The following FLT1 variants were observed in gnomAD, a reference collection of about 807,000 sequenced individuals.
The protein encoded by FLT1 is vascular endothelial growth factor receptor 1.
A neutral mutation model predicts 156.3 loss-of-function variants in FLT1; 49 were observed. The ratio of observed to expected loss-of-function variants is 0.31; its 90% CI spans 0.25 to 0.40. The LOEUF (loss-of-function observed/expected upper bound fraction) is 0.40. Among genes scored for constraint, FLT1 ranks in the 10% least tolerant of loss-of-function variants. The probability of loss-of-function intolerance (pLI) is 1.00; values close to 1 mark genes in which losing one functional copy is unlikely to be tolerated. For synonymous variants in FLT1, 594 were observed against 583.8 expected (o/e 1.02, Z -0.25); for missense variants, 1,322 against 1,637.2 (o/e 0.81, Z 3.32).
chr13:28,381,038 T>C (rs79711286), intron 14 of FLT1, among the ~76,000 whole-genome samples: 2,229 of 152,312 alleles, frequency 0.015, 57 homozygotes, highest in African/African-American at 0.052. Context: ...ACTCTTTTTT[T>C]GCATGTGGTA....
At chr13:28,340,954 T>TTA (rs1872311884) in intron 16 of FLT1, among the ~76,000 whole-genome samples, 2 of 152,320 alleles carry the variant, frequency 1.3e-5, no homozygotes, top group East Asian at 1.9e-4. Flanking sequence ...AACAGGGTAC[T>TTA]AGGTGCCCAT....
At chr13:28,304,356 A>G (rs1453528840) in intron 29 of FLT1, among the ~76,000 whole-genome samples, 9 of 152,160 alleles carry the variant, frequency 5.9e-5, no homozygotes, top group African/African-American at 7.2e-5. Flanking sequence ...AAGGAAACAC[A>G]CACGCAGATG....
At chr13:28,429,213 C>G (rs1877530424) in intron 8 of FLT1, among the ~76,000 whole-genome samples, 1 of 152,094 alleles carries the variant, frequency 6.6e-6, no homozygotes, top group African/African-American at 2.4e-5. Flanking sequence ...CTCTTTAATT[C>G]CCTATTAAGT....
intron 10 of FLT1, among the ~76,000 whole-genome samples, chr13:28,422,957 C>G (rs1877098176): frequency 6.6e-6 from 1 of 152,058 alleles, no homozygotes; most frequent in African/African-American, 2.4e-5. Context: ...CTTTAGAAAC[C>G]AACCAACCTC....
intron 12 of FLT1, among the ~76,000 whole-genome samples, chr13:28,396,241 G>T (rs1875034755): frequency 6.6e-6 from 1 of 152,180 alleles, no homozygotes; most frequent in African/African-American, 2.4e-5. Flanking sequence ...TCTGCAGCCT[G>T]CCCCGGGCAG....
chr13:28,368,235 C>A (rs1873375588), intron 14 of FLT1: 6 of 293,996 alleles, frequency 2.0e-5, no homozygotes, highest in Non-Finnish European at 2.9e-5. Flanking sequence ...TCCCTGCAAC[C>A]TCTGCCTCCT....
At position 28,494,814 on chromosome 13, in the gene FLT1, C is replaced by G; in HGVS notation, c.30G>C (p.Leu10=). Reference sequence around the variant, plus strand: ...GCAGACAGCTGAGCAGCGCGCACAGCAGGACCCCGGTGTCCCAGTAGCTGA... The same window carrying G: ...GCAGACAGCTGAGCAGCGCGCACAGGAGGACCCCGGTGTCCCAGTAGCTGA... MVSYWDTGV[L]LCALLSCLLL... Residue 10 remains leucine, a synonymous_variant, in exon 1 of 30, where the codon CTG becomes CTC. Coordinates refer to ENST00000282397, the MANE Select transcript of FLT1 (RefSeq NM_002019.4). 6.4e-7 allele frequency: 1 copy of G among 1,574,328 alleles called. No individual in the cohort carries two copies. Among genetic ancestry groups the G allele is most frequent in the Non-Finnish European group, 8.6e-7 (1 of 1,165,224 alleles).
intron 14 of FLT1, 46 bp downstream of exon 14, chr13:28,384,839 G>A (rs376011578): frequency 1.3e-5 from 20 of 1,578,200 alleles, no homozygotes; most frequent in Admixed American, 1.7e-5. Flanking sequence ...AAGGGGGGCT[G>A]ATGAAAGATG....
At chr13:28,365,755 G>A (rs1373218123) in intron 14 of FLT1, among the ~76,000 whole-genome samples, 1 of 152,154 alleles carries the variant, frequency 6.6e-6, no homozygotes, top group Non-Finnish European at 1.5e-5. Flanking sequence ...ATTACCATGT[G>A]CTTGTTTGTG....
At chr13:28,461,716 TC>T (rs34034848) in intron 3 of FLT1, among the ~76,000 whole-genome samples, 21,311 of 152,032 alleles carry the variant, frequency 0.14, 2,621 homozygotes, top group African/African-American at 0.33. Context: ...AGCCTTTTTT[TC>T]CCCCGCTAAA....
At chr13:28,478,750 G>A (rs541781336) in intron 1 of FLT1, among the ~76,000 whole-genome samples, 3 of 152,216 alleles carry the variant, frequency 2.0e-5, no homozygotes, top group African/African-American at 7.2e-5. Flanking sequence ...TCACATTTTT[G>A]TATAATAAAA....
At chr13:28,457,916 C>T (rs554480423) in intron 3 of FLT1, among the ~76,000 whole-genome samples, 29 of 144,966 alleles carry the variant, frequency 2.0e-4, no homozygotes, top group African/African-American at 6.5e-4. Context: ...ATTTCTTTTC[C>T]TTTTTTCTTT....
rs550176158 is a variant in FLT1, at chr13:28,445,424, G to A, written c.389-7079C>T. On this transcript the variant is annotated intron_variant, in intron 3 of 29. Transcript: ENST00000282397. ...CCAGGTGGCAGAGGTTGCAGGAGCC[G>A]AGATTGTGCCACTGCACTCCAGCCT... 7.9e-5 allele frequency among the ~76,000 whole-genome samples: 12 copies of A among 152,232 alleles called. No individual in the cohort carries two copies. In the South Asian group the frequency reaches 1.5e-3, roughly 18 times the overall value.
At chr13:28,365,884 C>T (rs1456078446) in intron 14 of FLT1, among the ~76,000 whole-genome samples, 2 of 152,208 alleles carry the variant, frequency 1.3e-5, no homozygotes, top group African/African-American at 4.8e-5. Flanking sequence ...GATGGACCAA[C>T]AGGGCATAGA....
chr13:28,355,420 T>C (rs933161148), intron 15 of FLT1, among the ~76,000 whole-genome samples: 4 of 152,218 alleles, frequency 2.6e-5, no homozygotes, highest in African/African-American at 9.7e-5. Flanking sequence ...TGTCAGACAG[T>C]ACTGTCTCAA....
chr13:28,345,417 G>A (rs2138858980), intron 16 of FLT1, 28 bp downstream of exon 16: 3 of 1,363,528 alleles, frequency 2.2e-6, no homozygotes, highest in Non-Finnish European at 2.1e-6. Context: ...ATGTAAAAAG[G>A]AGCATAGAAC....
In FLT1 at chr13:28,412,381, T is replaced by TTTCTTTCTTTCTTTCTTTCTTTCC. The variant is rs1555236534; in HGVS notation, c.1437-6488_1437-6487insGGAAAGAAAGAAAGAAAGAAAGAA. On this transcript the variant is annotated intron_variant, in intron 10 of 29. Coordinates refer to ENST00000282397, the MANE Select transcript of FLT1 (RefSeq NM_002019.4). ...CTTTCTTTCTTTCTTTCTTTCTTTC[T>TTTCTTTCTTTCTTTCTTTCTTTCC]TTCTTTCTTTCTTTCTTTCTTTCTT... 2.1e-3 allele frequency among the ~76,000 whole-genome samples: 188 copies of TTTCTTTCTTTCTTTCTTTCTTTCC among 88,248 alleles called. 3 individuals carry two copies. The highest frequency in any genetic ancestry group is 2.8e-3 in the Non-Finnish European group (113 of 39,812). The allele number at this position is 88,248 out of a possible 152,430, so 57.9% of individuals were successfully genotyped here.
At chr13:28,474,690 C>T (rs1880450698) in intron 1 of FLT1, among the ~76,000 whole-genome samples, 1 of 152,030 alleles carries the variant, frequency 6.6e-6, no homozygotes, top group South Asian at 2.1e-4. Flanking sequence ...GACTGATAAT[C>T]AGTATTGGGT....
At chr13:28,423,972 C>T (rs1355792843) in intron 10 of FLT1, among the ~76,000 whole-genome samples, 4 of 151,618 alleles carry the variant, frequency 2.6e-5, no homozygotes, top group Admixed American at 6.6e-5. Flanking sequence ...TTTTCTGAAG[C>T]GGAGTTTCGC....
Sources: allele counts gnomAD v4.1 joint callset (sites outside exome capture counted in the v4.1 genomes callset), GRCh38; gene constraint gnomAD v4.1.1; transcripts MANE v1.5; gene names NCBI Gene and HGNC (gene_info 2026-07-23, HGNC 2026-07-21).